REDIC1: variants seen among roughly 807,000 people sequenced by gnomAD.
The protein encoded by REDIC1 is HEI10 Interacting Protein 1.
the REDIC1 span, among the ~76,000 whole-genome samples, chr12:39,680,296 C>G: frequency 4.6e-5 from 7 of 151,928 alleles, no homozygotes; most frequent in African/African-American, 1.7e-4. Context: ...AACAAGTAAT[C>G]CCATCAAAAA....
the REDIC1 span, chr12:39,721,803 G>C: frequency 6.6e-6 from 1 of 151,698 alleles, no homozygotes; most frequent in African/African-American, 2.4e-5. Context: ...GCATAACATA[G>C]TTTTTTTGTT....
the REDIC1 span, among the ~76,000 whole-genome samples, chr12:39,883,176 A>C: frequency 6.6e-6 from 1 of 152,222 alleles, no homozygotes; most frequent in Non-Finnish European, 1.5e-5. Flanking sequence ...AGTAACGCTC[A>C]TAAGAAAGCA....
At chr12:39,773,592 T>A in the REDIC1 span, among the ~76,000 whole-genome samples, 1 of 152,218 alleles carries the variant, frequency 6.6e-6, no homozygotes, top group South Asian at 2.1e-4. Flanking sequence ...ACTTAAGCAG[T>A]GCAAATATAC....
chr12:39,698,209 A>G, the REDIC1 span, among the ~76,000 whole-genome samples: 131,930 of 152,218 alleles, frequency 0.87, 57,432 homozygotes, highest in African/African-American at 0.92. Context: ...TAATGCAACA[A>G]TGTTAAGAGA....
the REDIC1 span, among the ~76,000 whole-genome samples, chr12:39,902,619 G>T: frequency 6.6e-6 from 1 of 151,998 alleles, no homozygotes; most frequent in African/African-American, 2.4e-5. Flanking sequence ...TCTAGAAAAA[G>T]ATGTGTCTAA....
At chr12:39,627,784 A>T in the REDIC1 span, among the ~76,000 whole-genome samples, 1 of 152,256 alleles carries the variant, frequency 6.6e-6, no homozygotes, top group East Asian at 1.9e-4. Flanking sequence ...TTAACGTTTT[A>T]TTTGGAAATG....
the REDIC1 span, among the ~76,000 whole-genome samples, chr12:39,894,287 T>A: frequency 6.6e-6 from 1 of 152,250 alleles, no homozygotes; most frequent in Non-Finnish European, 1.5e-5. Flanking sequence ...GTTGCTTAAT[T>A]CTAATTCACT....
At chr12:39,645,850 C>G in the REDIC1 span, among the ~76,000 whole-genome samples, 3 of 152,116 alleles carry the variant, frequency 2.0e-5, no homozygotes, top group African/African-American at 4.8e-5. Context: ...CATCCTCCAA[C>G]TGCAGCCTCC....
the REDIC1 span, among the ~76,000 whole-genome samples, chr12:39,720,258 AGTTAT>A: frequency 1.3e-5 from 2 of 151,786 alleles, no homozygotes; most frequent in Non-Finnish European, 2.9e-5. Flanking sequence ...GCTCTTCTTA[AGTTAT>A]GTTATCTTCT....
chr12:39,629,988 AT>A, the REDIC1 span, among the ~76,000 whole-genome samples: 2 of 151,570 alleles, frequency 1.3e-5, no homozygotes, highest in African/African-American at 2.4e-5. Flanking sequence ...CCAGTTAAAA[AT>A]TTTTTTTTAC....
chr12:39,668,757 T>A, the REDIC1 span, among the ~76,000 whole-genome samples: 1 of 152,220 alleles, frequency 6.6e-6, no homozygotes, highest in Non-Finnish European at 1.5e-5. Context: ...TTCATTTTTT[T>A]TTGTTATTTT....
the REDIC1 span, among the ~76,000 whole-genome samples, chr12:39,635,553 A>G: frequency 1.3e-5 from 2 of 152,088 alleles, no homozygotes; most frequent in Admixed American, 1.3e-4. Context: ...ACAGAAAACC[A>G]AACACCACAT....
At chr12:39,751,803 C>G in the REDIC1 span, among the ~76,000 whole-genome samples, 1 of 151,978 alleles carries the variant, frequency 6.6e-6, no homozygotes, top group Non-Finnish European at 1.5e-5. Flanking sequence ...ATCACAAGGA[C>G]AAAAAACCAA....
chr12:39,661,209 T>C, the REDIC1 span, among the ~76,000 whole-genome samples: 1 of 152,132 alleles, frequency 6.6e-6, no homozygotes, highest in South Asian at 2.1e-4. Context: ...CATTCTACTT[T>C]TAGTTTTTTG....
chr12:39,901,895 A>G, the REDIC1 span, among the ~76,000 whole-genome samples: 1 of 151,878 alleles, frequency 6.6e-6, no homozygotes, highest in Admixed American at 6.6e-5. Flanking sequence ...ATGCACACGT[A>G]TGTTTATTGC....
At chr12:39,896,292 G>GTGTATATATGTATACATATATGTATGTA in the REDIC1 span, among the ~76,000 whole-genome samples, 12 of 36,840 alleles carry the variant, frequency 3.3e-4, no homozygotes, top group East Asian at 2.2e-3. Context: ...GTATGTATAT[G>GTGTATATATGTATACATATATGTATGTA]TGTGTATATA....
At chr12:39,687,185 G>A in the REDIC1 span, among the ~76,000 whole-genome samples, 1 of 151,986 alleles carries the variant, frequency 6.6e-6, no homozygotes, top group Admixed American at 6.6e-5. Flanking sequence ...TCCAATTTCT[G>A]CCCATTACCA....
At chr12:39,702,945 G>A in the REDIC1 span, among the ~76,000 whole-genome samples, 1 of 152,166 alleles carries the variant, frequency 6.6e-6, no homozygotes, top group South Asian at 2.1e-4. Flanking sequence ...AAAATAATAA[G>A]AGCTATCTAT....
At chr12:39,700,792 A>C in the REDIC1 span, among the ~76,000 whole-genome samples, 1 of 152,054 alleles carries the variant, frequency 6.6e-6, no homozygotes, top group African/African-American at 2.4e-5. Flanking sequence ...CAACATTCTT[A>C]AAGAAAAGAA....
Sources: gnomAD v4.1 joint callset for allele counts (sites outside exome capture counted in the v4.1 genomes callset) on GRCh38, gnomAD v4.1.1 for gene constraint, MANE v1.5 for transcripts, NCBI Gene and HGNC (gene_info 2026-07-23, HGNC 2026-07-21) for gene names.